COL12A1: variants seen among roughly 807,000 people sequenced by gnomAD.
COL12A1 encodes collagen type XII alpha 1 chain.
COL12A1 carries 114 observed loss-of-function variants against 349.7 expected under a neutral mutation model. The observed-to-expected ratio is 0.33, with a 90% confidence interval of 0.28 to 0.38. COL12A1 has a LOEUF of 0.38. Among genes scored for constraint, COL12A1 ranks in the 10% least tolerant of loss-of-function variants. COL12A1 has a pLI of 1.00. For synonymous variants in COL12A1, 1,369 were observed against 1,329.0 expected (o/e 1.03, Z -0.66); for missense variants, 3,284 against 3,756.9 (o/e 0.87, Z 3.29).
chr6:75,132,119 T>C, intron 34 of COL12A1, 37 bp from the exon 35 acceptor site: 1 of 1,606,208 alleles, frequency 6.2e-7, no homozygotes, highest in Non-Finnish European at 8.5e-7. Context: ...TTTTTAAGTC[T>C]GTTTATATAT....
intron 13 of COL12A1, among the ~76,000 whole-genome samples, chr6:75,171,874 T>C (rs1255770763): frequency 2.0e-5 from 3 of 152,236 alleles, no homozygotes; most frequent in Admixed American, 6.5e-5. Context: ...CCACACATAA[T>C]GCAATGGGAT....
At chr6:75,181,945 A>G (rs555254256) in intron 10 of COL12A1, among the ~76,000 whole-genome samples, 4 of 151,826 alleles carry the variant, frequency 2.6e-5, no homozygotes, top group Non-Finnish European at 5.9e-5. Flanking sequence ...AAAACAGAAA[A>G]ATTAGCCAGG....
intron 38 of COL12A1, 79 bp downstream of exon 38, chr6:75,128,217 G>A (rs955757871): frequency 3.8e-6 from 5 of 1,315,102 alleles, no homozygotes; most frequent in Non-Finnish European, 5.0e-6. Context: ...AAAATTTTAG[G>A]TTTTAAAAGG....
rs1287930104 is a variant in COL12A1 at position 75,106,475 on chromosome 6, T to C, written c.8122A>G (p.Ile2708Val). 1.2e-6 allele frequency: 2 copies of C among 1,613,938 alleles called. No individual in the cohort carries two copies. Among genetic ancestry groups the C allele is most frequent in the Non-Finnish European group, 8.5e-7 (1 of 1,179,862 alleles). The change falls in exon 53 of 66, where the codon ATT (isoleucine) becomes GTT (valine). Residue 2708 changes from isoleucine to valine, a missense_variant. Coordinates refer to ENST00000322507, the MANE Select transcript of COL12A1 (RefSeq NM_004370.6). ...CTGGTCCACACTGGACTGCAGACAATGTCAAAACTCTGGATTTGGAACTGC... is the reference window on the plus strand; with the variant it reads ...CTGGTCCACACTGGACTGCAGACAACGTCAAAACTCTGGATTTGGAACTGC... ...SAAFQIQSFD[I>V]VCSPVWTSRD...
chr6:75,202,162 C>T (rs556182952), intron 2 of COL12A1, among the ~76,000 whole-genome samples: 3 of 152,370 alleles, frequency 2.0e-5, no homozygotes, highest in African/African-American at 7.2e-5. Flanking sequence ...GCCATCATCC[C>T]CCAGGCTGCT....
At chr6:75,125,770 A>G (rs1765984558) in intron 39 of COL12A1, among the ~76,000 whole-genome samples, 3 of 152,012 alleles carry the variant, frequency 2.0e-5, no homozygotes, top group Non-Finnish European at 4.4e-5. Flanking sequence ...TTATCTTGCC[A>G]TCTCTCTTTC....
chr6:75,191,058 A>T (rs145880018), intron 5 of COL12A1, among the ~76,000 whole-genome samples: 3,705 of 151,984 alleles, frequency 0.024, 57 homozygotes, highest in Middle Eastern at 0.051. Flanking sequence ...ATCTATCCCC[A>T]TAAGTCAGAA....
chr6:75,109,143 T>C lies in COL12A1; in HGVS notation c.7975A>G (p.Ser2659Gly), dbSNP rs1768709718. 2 of 1,596,724 alleles carry C rather than the reference T, an allele frequency of 1.3e-6. No individual in the cohort carries two copies. The highest frequency in any genetic ancestry group is 1.1e-5 in the South Asian group (1 of 88,946). The change falls in exon 52 of 66, where the codon AGT (serine) becomes GGT (glycine). Residue 2659 changes from serine (S) to glycine (G), a missense_variant. Ser to Gly is a moderately conservative substitution (Grantham distance 56, BLOSUM62 0). Transcript: ENST00000322507. ...HKVHIVVTSKSVKIYIDCYEI... is the reference protein window; with the variant it reads ...HKVHIVVTSKGVKIYIDCYEI... ...TAGCAGTCAATGTAAATCTTAACAC[T>C]TTTTGAGGTCACTACAATATGAACC...
In COL12A1 at chr6:75,106,893, CTTTTTCTTTTTTTT is replaced by C. The variant is rs1768586751; in HGVS notation, c.8101-411_8101-398del. Among the ~76,000 whole-genome samples, 3 of 89,478 alleles carry C rather than the reference CTTTTTCTTTTTTTT, an allele frequency of 3.4e-5. No homozygotes were observed. In the Admixed American group the frequency reaches 3.6e-4, roughly 11 times the overall value. The allele number at this position is 89,478 out of a possible 152,430, so 58.7% of individuals were successfully genotyped here. On this transcript the variant is annotated intron_variant, in intron 52 of 65. Coordinates refer to ENST00000322507, the MANE Select transcript of COL12A1 (RefSeq NM_004370.6). Reference sequence around the variant, plus strand: ...TATTTTCTTTTTTTTTTTCTTTTTTCTTTTTCTTTTTTTTTTTTTTTTTTTTGAGACAGAGTCCC... The same window carrying C: ...TATTTTCTTTTTTTTTTTCTTTTTTCTTTTTTTTTTTTGAGACAGAGTCCC...
At chr6:75,135,054 C>G (rs1049643002) in intron 31 of COL12A1, among the ~76,000 whole-genome samples, 199 bp from the exon 32 acceptor site, 42 of 152,150 alleles carry the variant, frequency 2.8e-4, no homozygotes, top group African/African-American at 9.9e-4. Context: ...AAAAAGGATT[C>G]CAAGCTTTAA....
chr6:75,161,814 GA>G (rs1231655300), intron 14 of COL12A1, among the ~76,000 whole-genome samples: 6 of 152,282 alleles, frequency 3.9e-5, no homozygotes, highest in Admixed American at 1.3e-4. Flanking sequence ...AAAGTCTCAG[GA>G]TACAAAATCA....
Position 75,133,293 on chromosome 6 carries a change from A to G in COL12A1, c.5794T>C (p.Leu1932=), listed in dbSNP as rs1247137802. Reference sequence around the variant, plus strand: ...TTAATTTTTTGGCTTTATTACTTACATGTCCTTCCAGTATCTGATGTGCGT... The same window carrying G: ...TTAATTTTTTGGCTTTATTACTTACGTGTCCTTCCAGTATCTGATGTGCGT... ...GGRTSDTGRT[L]MRGLARNVQV... The change falls in exon 34 of 66, where the codon TTG becomes CTG. Residue 1932 remains leucine, a splice_region_variant and synonymous_variant. Coordinates refer to ENST00000322507, the MANE Select transcript of COL12A1 (RefSeq NM_004370.6). 25 of 1,581,760 alleles carry G rather than the reference A, an allele frequency of 1.6e-5. No homozygotes were observed. The highest frequency in any genetic ancestry group is 2.1e-5 in the Non-Finnish European group (25 of 1,167,224).
chr6:75,155,940 T>A, intron 15 of COL12A1, 86 bp from the exon 16 acceptor site: 1 of 1,385,036 alleles, frequency 7.2e-7, no homozygotes, highest in Non-Finnish European at 9.7e-7. Context: ...AAAATGCATA[T>A]CCATAAAAAG....
At chr6:75,138,135 T>C (rs1766713736) in intron 30 of COL12A1, among the ~76,000 whole-genome samples, 185 bp downstream of exon 30, 1 of 152,158 alleles carries the variant, frequency 6.6e-6, no homozygotes, top group African/African-American at 2.4e-5. Context: ...AGCTGATCAA[T>C]ACACTCCAAA....
chr6:75,173,526 G>A (rs141397536), intron 13 of COL12A1, among the ~76,000 whole-genome samples: 16 of 152,118 alleles, frequency 1.1e-4, no homozygotes, highest in African/African-American at 3.1e-4. Flanking sequence ...ACAGGCATGC[G>A]CCACCACGCA....
intron 29 of COL12A1, 35 bp downstream of exon 29, chr6:75,138,413 A>C: frequency 6.2e-7 from 1 of 1,606,544 alleles, no homozygotes; most frequent in Non-Finnish European, 8.5e-7. Context: ...TTAACTTTAA[A>C]ATATCAATGT....
At position 75,119,393 on chromosome 6, in the gene COL12A1, C is replaced by T; in HGVS notation, c.7167G>A (p.Gly2389=). The T allele has an allele frequency of 6.2e-7, 1 of 1,613,904 alleles. No individual in the cohort carries two copies. Among genetic ancestry groups the T allele is most frequent in the South Asian group, 1.1e-5 (1 of 91,056 alleles). ...CTCTGTACCTAATATTCTGGAGGGC[C>T]CCAAGGGCTAGGGCCTTGTCATTGT... ...NTYNDKALAL[G]ALQNIRYRGG... The change falls in exon 45 of 66, where the codon GGG becomes GGA. Residue 2389 remains glycine (G), a synonymous_variant. Coordinates refer to ENST00000322507, the MANE Select transcript of COL12A1 (RefSeq NM_004370.6).
Position 75,119,174 on chromosome 6 carries a change from G to A in COL12A1, c.7223C>T (p.Thr2408Met), listed in dbSNP as rs141593495. The change falls in exon 46 of 66, where the codon ACG becomes ATG. Residue 2408 changes from threonine (T) to methionine (M), a missense_variant. By Grantham distance (81) the Thr-to-Met change is moderately conservative. This residue lies in a region of COL12A1 where 683 missense variants were observed against 932.1 expected (regional missense o/e 0.73). Transcript: ENST00000322507. Reference protein sequence around the residue: ...GGNTRTGKALTFIKEKVLTWE... With the variant: ...GGNTRTGKALMFIKEKVLTWE... ...AGTCAAGACTTTCTCCTTGATAAAC[G>A]TGAGGGCCTTGCCTACAGAATGTGG... The A allele has an allele frequency of 9.1e-4, 1,466 of 1,613,894 alleles. 2 individuals are homozygous for A. The highest frequency in any genetic ancestry group is 1.2e-3 in the Non-Finnish European group (1,382 of 1,179,884).
intron 8 of COL12A1, 33 bp from the exon 9 acceptor site, chr6:75,184,177 C>T: frequency 6.3e-7 from 1 of 1,598,174 alleles, no homozygotes; most frequent in East Asian, 2.2e-5. Context: ...TGATTAATAA[C>T]AGTGAGATGT....
Sources: allele counts gnomAD v4.1 joint callset (sites outside exome capture counted in the v4.1 genomes callset), GRCh38; gene constraint gnomAD v4.1.1; regional missense constraint gnomAD v4.1.1; transcripts MANE v1.5; gene names NCBI Gene and HGNC (gene_info 2026-07-23, HGNC 2026-07-21).